Variants in SYNPO2 observed in about 807,000 individuals in gnomAD.
SYNPO2 encodes the protein synaptopodin 2.
SYNPO2 carries 56 observed loss-of-function variants against 85.0 expected under a neutral mutation model. That is an observed-to-expected ratio of 0.66 (90% CI 0.53 to 0.82). SYNPO2 has a LOEUF of 0.82. SYNPO2 is among the 40% of genes least tolerant of loss of function. The pLI is 0.00. For synonymous variants in SYNPO2, 602 were observed against 591.1 expected (o/e 1.02, Z -0.27); for missense variants, 1,575 against 1,534.2 (o/e 1.03, Z -0.44).
In SYNPO2 at chr4:119,022,162, T is replaced by C. The variant is rs139268169; in HGVS notation, c.106-1268T>C. Among the ~76,000 whole-genome samples, 12 of 152,242 alleles carry C rather than the reference T, an allele frequency of 7.9e-5. No homozygotes were observed. In the East Asian group the frequency reaches 2.3e-3, roughly 29 times the overall value. ...ACTATACTGGGATGGTTTTTATCAG[T>C]CCATTTAGCTATACAGCTCTCTCCT... On this transcript the variant is annotated intron_variant, in intron 1 of 4. Transcript: ENST00000307142.
At chr4:119,020,055 C>T (rs972756982) in intron 1 of SYNPO2, among the ~76,000 whole-genome samples, 5 of 152,074 alleles carry the variant, frequency 3.3e-5, no homozygotes, top group African/African-American at 1.2e-4. Context: ...TAATTACGCA[C>T]AATAGAAGGT....
intron 4 of SYNPO2, chr4:119,037,020 A>G: frequency 7.3e-7 from 1 of 1,373,210 alleles, no homozygotes; most frequent in East Asian, 2.7e-5. Context: ...TCTAATTTTT[A>G]TTTTTTGGTT....
At chr4:118,951,515 G>A (rs1198655739) in intron 1 of SYNPO2, among the ~76,000 whole-genome samples, 1 of 152,184 alleles carries the variant, frequency 6.6e-6, no homozygotes, top group Non-Finnish European at 1.5e-5. Context: ...GACAATGCCA[G>A]TACATGAAGA....
chr4:119,030,120 T>A lies in SYNPO2; in HGVS notation c.1345T>A (p.Leu449Ile). The A allele has an allele frequency of 6.2e-7, 1 of 1,613,818 alleles. No homozygotes were observed. Among genetic ancestry groups the A allele is most frequent in the Non-Finnish European group, 8.5e-7 (1 of 1,179,944 alleles). The change falls in exon 4 of 5, where the codon TTA becomes ATA. Residue 449 changes from leucine (L) to isoleucine (I), a missense_variant. Around this residue, in one of 3 missense-constraint regions of SYNPO2, gnomAD observed 1,508 missense variants for 1,446.8 expected, o/e 1.04. Transcript: ENST00000307142. ...AAGCGAATCAGAGGTGGATGAAGAG[T>A]TATTGTCTGACGTTGACGACAACAC... ...GASESEVDEE[L>I]LSDVDDNTQV... is the part of the protein sequence containing the mutation.
intron 1 of SYNPO2, among the ~76,000 whole-genome samples, chr4:118,870,410 T>C (rs1731781064): frequency 6.6e-6 from 1 of 152,256 alleles, no homozygotes; most frequent in Admixed American, 6.5e-5. Flanking sequence ...AAAGCAGATG[T>C]TCCACATTTT....
chr4:118,979,608 A>G (rs943377568), intron 1 of SYNPO2, among the ~76,000 whole-genome samples: 1 of 152,230 alleles, frequency 6.6e-6, no homozygotes, highest in African/African-American at 2.4e-5. Flanking sequence ...TGTCTTGCCA[A>G]TGATATGTGC....
In SYNPO2 at chr4:119,053,530, C is replaced by T. The variant is rs770299270; in HGVS notation, c.3253-3871C>T. ...TTACATTTGTCATATGCATGTTTGG[C>T]GTGAGATTTTTGCTTTCAGCTTCAA... On this transcript the variant is annotated intron_variant, in intron 4 of 4. Coordinates refer to ENST00000307142, the MANE Select transcript of SYNPO2 (RefSeq NM_133477.3). Among the ~76,000 whole-genome samples, 16 of 152,242 alleles carry T rather than the reference C, an allele frequency of 1.1e-4. No individual in the cohort carries two copies. In the East Asian group the frequency reaches 1.4e-3, roughly 13 times the overall value.
intron 1 of SYNPO2, among the ~76,000 whole-genome samples, chr4:118,936,982 A>C (rs948575163): frequency 6.6e-6 from 1 of 151,942 alleles, no homozygotes; most frequent in Non-Finnish European, 1.5e-5. Flanking sequence ...CTTTCTCCCA[A>C]TTTTACTGCC....
At chr4:119,054,117 C>T (rs1187613893) in intron 4 of SYNPO2, among the ~76,000 whole-genome samples, 1 of 152,248 alleles carries the variant, frequency 6.6e-6, no homozygotes, top group Non-Finnish European at 1.5e-5. Context: ...AGGGAGGGAG[C>T]ACATGAGTGA....
At chr4:119,017,916 C>G (rs565347298) in intron 1 of SYNPO2, among the ~76,000 whole-genome samples, 1 of 152,122 alleles carries the variant, frequency 6.6e-6, no homozygotes, top group Non-Finnish European at 1.5e-5. Flanking sequence ...GAAATCAAAT[C>G]TGAGACCTGC....
chr4:118,944,738 A>G (rs1297026271), intron 1 of SYNPO2, among the ~76,000 whole-genome samples: 2 of 152,370 alleles, frequency 1.3e-5, no homozygotes, highest in African/African-American at 4.8e-5. Context: ...ATGTCTTTGC[A>G]CAAGGAAATA....
At chr4:118,890,803 A>G (rs112164093) in intron 1 of SYNPO2, among the ~76,000 whole-genome samples, 3,323 of 151,744 alleles carry the variant, frequency 0.022, 46 homozygotes, top group African/African-American at 0.025. Flanking sequence ...AAGAAGTAAG[A>G]AAGAAATTGG....
intron 1 of SYNPO2, among the ~76,000 whole-genome samples, chr4:118,938,315 A>G (rs1007781188): frequency 1.3e-5 from 2 of 152,172 alleles, no homozygotes; most frequent in African/African-American, 4.8e-5. Context: ...GCAAGATTCC[A>G]TCTCAATTTA....
At position 119,060,692 on chromosome 4, in the gene SYNPO2, G is replaced by A. The variant is rs1739384376; in HGVS notation, c.*2758G>A. 1 of 152,180 alleles carries A rather than the reference G, an allele frequency of 6.6e-6. No individual in the cohort carries two copies. The highest frequency in any genetic ancestry group is 2.4e-5 in the African/African-American group (1 of 41,454). 9.4% of individuals were successfully genotyped at this position (152,180 alleles called of 1,614,324 possible). A position where few individuals can be genotyped will look rare whatever the true frequency, so the allele number is the denominator to read the frequency against. ...TTAGTATCAATCACATAGGTAGAAAGAGTTTGAGTTTTACTGTGGATTAAA... is the reference window on the plus strand; with the variant it reads ...TTAGTATCAATCACATAGGTAGAAAAAGTTTGAGTTTTACTGTGGATTAAA... On this transcript the variant is annotated 3_prime_UTR_variant, in exon 5 of 5. Coordinates refer to ENST00000307142, the MANE Select transcript of SYNPO2 (RefSeq NM_133477.3).
Position 119,060,288 on chromosome 4 carries a change from CA to C in SYNPO2, c.*2355del, listed in dbSNP as rs2149203868. 6.6e-6 allele frequency: 1 copy of C among 152,160 alleles called. No individual in the cohort carries two copies. The highest frequency in any genetic ancestry group is 2.1e-4 in the South Asian group (1 of 4,826). The allele number at this position is 152,160 out of a possible 1,614,324, so 9.4% of individuals were successfully genotyped here. A position where few individuals can be genotyped will look rare whatever the true frequency, so the allele number is the denominator to read the frequency against. On this transcript the variant is annotated 3_prime_UTR_variant, in exon 5 of 5. Transcript: ENST00000307142. The stretch of plus-strand genomic sequence containing the variant: ...TTAAGCTATCTGAATTTATTCGAGA[CA>C]TTAAGAAAAAGACAGTACATGGTGG...
chr4:119,007,257 T>TGTATATAC (rs1737097324), intron 1 of SYNPO2, among the ~76,000 whole-genome samples: 2 of 42,582 alleles, frequency 4.7e-5, no homozygotes, highest in Non-Finnish European at 9.6e-5. Flanking sequence ...TATATACATA[T>TGTATATAC]ATATATATAT....
In SYNPO2 at chr4:119,059,565, A is replaced by G. The variant is rs1010639335; in HGVS notation, c.*1631A>G. The G allele has an allele frequency of 6.6e-6, 1 of 152,196 alleles. No homozygotes were observed. Among genetic ancestry groups the G allele is most frequent in the Admixed American group, 6.5e-5 (1 of 15,278 alleles). The allele number at this position is 152,196 out of a possible 1,614,324, so 9.4% of individuals were successfully genotyped here. ...AAATATCCAGAATATTTTTAAGTAAAAAACCATCTTAAGTATTCAAAATTT... is the reference window on the plus strand; with the variant it reads ...AAATATCCAGAATATTTTTAAGTAAGAAACCATCTTAAGTATTCAAAATTT... On this transcript the variant is annotated 3_prime_UTR_variant, in exon 5 of 5. Coordinates refer to ENST00000307142, the MANE Select transcript of SYNPO2 (RefSeq NM_133477.3).
rs533759619 is a variant in SYNPO2 at position 118,966,211 on chromosome 4, A to T, written c.106-57219A>T. Among the ~76,000 whole-genome samples, 5 of 152,346 alleles carry T rather than the reference A, an allele frequency of 3.3e-5. No homozygotes were observed. The South Asian group carries it at 1.0e-3, about 32-fold the overall frequency. On this transcript the variant is annotated intron_variant, in intron 1 of 4. Coordinates refer to ENST00000307142, the MANE Select transcript of SYNPO2 (RefSeq NM_133477.3). The stretch of plus-strand genomic sequence containing the variant: ...AATTCTCAACCATTCATTTGAGTGG[A>T]TAGAAAGAAACGGGAAATAGAAAAA...
At chr4:119,049,366 G>T (rs187884918) in intron 4 of SYNPO2, among the ~76,000 whole-genome samples, 1 of 152,232 alleles carries the variant, frequency 6.6e-6, no homozygotes. Context: ...TGTTTGTGAT[G>T]ATCATTTACT....
Sources: allele counts gnomAD v4.1 joint callset (sites outside exome capture counted in the v4.1 genomes callset), GRCh38; gene constraint gnomAD v4.1.1; regional missense constraint gnomAD v4.1.1; transcripts MANE v1.5; gene names NCBI Gene and HGNC (gene_info 2026-07-23, HGNC 2026-07-21).